SOX6: variants seen among roughly 807,000 people sequenced by gnomAD.
SOX6 encodes SRY-box transcription factor 6.
SOX6 carries 11 observed loss-of-function variants against 97.8 expected under a neutral mutation model. That is an observed-to-expected ratio of 0.11 (90% CI 0.07 to 0.19). The LOEUF (loss-of-function observed/expected upper bound fraction) is 0.19, where lower values mean the gene tolerates loss of function less well. Among genes scored for constraint, SOX6 ranks in the 10% least tolerant of loss-of-function variants. The pLI is 1.00. For synonymous variants in SOX6, 360 were observed against 371.4 expected, an observed-to-expected ratio of 0.97 and a Z score of 0.35; for missense variants, 810 against 1,039.5, an observed-to-expected ratio of 0.78 and a Z score of 3.04.
At chr11:16,079,335 C>T (rs1252059384) in intron 9 of SOX6, among the ~76,000 whole-genome samples, 1 of 152,028 alleles carries the variant, frequency 6.6e-6, no homozygotes, top group Non-Finnish European at 1.5e-5. Flanking sequence ...AATAAAATTG[C>T]ACAAAAGGAA....
intron 4 of SOX6, among the ~76,000 whole-genome samples, chr11:16,528,315 G>A (rs1186721665): frequency 6.6e-6 from 1 of 152,068 alleles, no homozygotes; most frequent in Non-Finnish European, 1.5e-5. Flanking sequence ...TTTTACATAA[G>A]TTATCTCACT....
At chr11:16,232,777 A>C (rs1852898627) in intron 4 of SOX6, among the ~76,000 whole-genome samples, 1 of 152,172 alleles carries the variant, frequency 6.6e-6, no homozygotes, top group Non-Finnish European at 1.5e-5. Flanking sequence ...GACTTTGGAA[A>C]GGGAAGAAAA....
intron 7 of SOX6, among the ~76,000 whole-genome samples, chr11:16,108,790 G>A (rs1849159020): frequency 6.6e-6 from 1 of 152,178 alleles, no homozygotes; most frequent in South Asian, 2.1e-4. Flanking sequence ...TTTACTACAC[G>A]CTGGGACTCT....
chr11:16,383,017 T>C (rs1857874504), intron 1 of SOX6, among the ~76,000 whole-genome samples: 1 of 152,008 alleles, frequency 6.6e-6, no homozygotes, highest in Non-Finnish European at 1.5e-5. Context: ...TCCTGAGAAA[T>C]GTAGCTATAC....
At position 16,144,676 on chromosome 11, in the gene SOX6, C is replaced by G. The variant is rs188322131; in HGVS notation, c.778-32753G>C. ...AAAATGATAAAGGGGATATCACCAC[C>G]AATCCCACAGAAATACAAACTACCA... On this transcript the variant is annotated intron_variant, in intron 6 of 15. Transcript: ENST00000683767. Among the ~76,000 whole-genome samples, 89 of 152,156 alleles carry G rather than the reference C, an allele frequency of 5.8e-4. No individual in the cohort carries two copies. The Middle Eastern group carries it at 0.01, about 17-fold the overall frequency.
chr11:16,064,434 G>GAAAT (rs1848041357), intron 9 of SOX6, among the ~76,000 whole-genome samples: 1 of 144,862 alleles, frequency 6.9e-6, no homozygotes, highest in African/African-American at 2.8e-5. Flanking sequence ...CGGAAAGAAA[G>GAAAT]AAATAAAAAT....
chr11:16,225,350 G>A (rs768225376), intron 4 of SOX6, among the ~76,000 whole-genome samples: 1 of 151,544 alleles, frequency 6.6e-6, no homozygotes, highest in African/African-American at 2.4e-5. Flanking sequence ...AAATTTGTAA[G>A]TAGAAATTCA....
At chr11:16,639,723 T>C (rs966582534) in intron 3 of SOX6, among the ~76,000 whole-genome samples, 8 of 152,230 alleles carry the variant, frequency 5.3e-5, no homozygotes, top group African/African-American at 1.9e-4. Context: ...GTTTGTCTTT[T>C]ATTGGTGTAT....
chr11:16,386,382 A>G (rs1045451164), intron 1 of SOX6, among the ~76,000 whole-genome samples: 1 of 152,096 alleles, frequency 6.6e-6, no homozygotes, highest in Non-Finnish European at 1.5e-5. Flanking sequence ...GCCCTGAAAC[A>G]TAAAATCTAA....
intron 4 of SOX6, among the ~76,000 whole-genome samples, chr11:16,519,229 A>G (rs1861018808): frequency 6.6e-6 from 1 of 152,096 alleles, no homozygotes; most frequent in Admixed American, 6.6e-5. Flanking sequence ...CAGGGGGTAC[A>G]TGTGCAGATT....
At chr11:16,118,466 C>A (rs2134003673) in intron 6 of SOX6, among the ~76,000 whole-genome samples, 1 of 152,358 alleles carries the variant, frequency 6.6e-6, no homozygotes, top group South Asian at 2.1e-4. Context: ...TGCATCAACA[C>A]TTATCCCCTT....
chr11:16,274,876 T>C (rs1008752708), intron 3 of SOX6, among the ~76,000 whole-genome samples: 5 of 152,156 alleles, frequency 3.3e-5, no homozygotes, highest in Non-Finnish European at 5.9e-5. Flanking sequence ...CTCACCTTAT[T>C]ATTATGTCAT....
intron 3 of SOX6, among the ~76,000 whole-genome samples, chr11:16,252,743 T>A (rs1295242461): frequency 6.6e-6 from 1 of 152,024 alleles, no homozygotes; most frequent in Non-Finnish European, 1.5e-5. Flanking sequence ...GTAAGGGAAA[T>A]ACCCAACTCC....
At position 16,049,818 on chromosome 11, in the gene SOX6, G is replaced by T; in HGVS notation, c.1372C>A (p.Leu458Met). ...FPASKTSPVN[L>M]PNKSSIPSPI... ...CTAGGGATGCTGCTTTTGTTTGGCA[G>T]ATTGACAGGGCTGGTTTTGCTGGCT... The change falls in exon 11 of 16, where the codon CTG (leucine) becomes ATG (methionine). Residue 458 changes from leucine (L) to methionine (M), a missense_variant. This residue lies in a region of SOX6 where 244 missense variants were observed against 261.0 expected (regional missense o/e 0.93). Coordinates refer to ENST00000683767, the MANE Select transcript of SOX6 (RefSeq NM_001367873.1). 6.2e-7 allele frequency: 1 copy of T among 1,613,718 alleles called. No individual in the cohort carries two copies. The highest frequency in any genetic ancestry group is 1.1e-5 in the South Asian group (1 of 91,068).
chr11:16,184,124 A>G (rs2134102338), intron 5 of SOX6, among the ~76,000 whole-genome samples, 170 bp from the exon 6 acceptor site: 1 of 152,230 alleles, frequency 6.6e-6, no homozygotes, highest in Non-Finnish European at 1.5e-5. Flanking sequence ...AAAAATTTTT[A>G]AACAAGTGCC....
chr11:16,214,605 C>G (rs185490347), intron 4 of SOX6, among the ~76,000 whole-genome samples: 49 of 152,196 alleles, frequency 3.2e-4, no homozygotes, highest in African/African-American at 1.1e-3. Context: ...ATTGTCTAAA[C>G]TCTATTTCTC....
At chr11:16,215,028 G>A (rs61150801) in intron 4 of SOX6, among the ~76,000 whole-genome samples, 2,299 of 152,222 alleles carry the variant, frequency 0.015, 53 homozygotes, top group African/African-American at 0.052. Flanking sequence ...GATTACAGGC[G>A]TGAGCCATCG....
Position 16,437,388 on chromosome 11 carries a change from C to T in SOX6, c.-5+38927G>A, listed in dbSNP as rs370900185. 1.4e-4 allele frequency among the ~76,000 whole-genome samples: 21 copies of T among 152,152 alleles called. No homozygotes were observed. In the East Asian group the frequency reaches 3.1e-3, roughly 22 times the overall value. On this transcript the variant is annotated intron_variant, in intron 1 of 15. Coordinates refer to the SOX6 transcript ENST00000396356. Reference sequence around the variant, plus strand: ...GTATATATTTTCCCATATCCCCATACCCAACCCCACTAGATTGTGAGCTCC... The same window carrying T: ...GTATATATTTTCCCATATCCCCATATCCAACCCCACTAGATTGTGAGCTCC...
intron 4 of SOX6, among the ~76,000 whole-genome samples, chr11:16,193,614 G>A (rs907058117): frequency 2.0e-4 from 31 of 152,258 alleles, no homozygotes; most frequent in African/African-American, 7.2e-4. Flanking sequence ...GGTAGGGGTG[G>A]CACTGACACT....
Sources: gnomAD v4.1 joint callset for allele counts (sites outside exome capture counted in the v4.1 genomes callset) on GRCh38, gnomAD v4.1.1 for gene constraint, gnomAD v4.1.1 regional missense constraint, MANE v1.5 for transcripts, NCBI Gene and HGNC (gene_info 2026-07-23, HGNC 2026-07-21) for gene names.